TANGO6: variants seen among roughly 807,000 people sequenced by gnomAD.
TANGO6 encodes the protein transport and Golgi organization protein 6 homolog.
A neutral mutation model predicts 114.2 loss-of-function variants in TANGO6; 90 were observed. The ratio of observed to expected loss-of-function variants is 0.79; its 90% CI spans 0.66 to 0.94. The LOEUF is 0.94. Ranked by LOEUF, TANGO6 falls within the 40% of genes least tolerant of loss-of-function variation. The pLI, the probability that TANGO6 is intolerant of heterozygous loss-of-function variation, is 0.00. For synonymous variants in TANGO6, 477 were observed against 509.8 expected, an observed-to-expected ratio of 0.94 and a Z score of 0.87; for missense variants, 1,274 against 1,315.3, an observed-to-expected ratio of 0.97 and a Z score of 0.49.
In TANGO6 at chr16:68,900,469, G is replaced by C; in HGVS notation, c.1413G>C (p.Leu471Phe). 1 of 1,613,956 alleles carries C rather than the reference G, an allele frequency of 6.2e-7. No individual in the cohort carries two copies. Among genetic ancestry groups the C allele is most frequent in the Non-Finnish European group, 8.5e-7 (1 of 1,179,882 alleles). Residue 471 changes from leucine to phenylalanine, a missense_variant, in exon 8 of 18, where the codon TTG becomes TTC. Around this residue, in one of 5 missense-constraint regions of TANGO6, gnomAD observed 908 missense variants for 910.2 expected, o/e 1.00. Coordinates refer to ENST00000261778, the MANE Select transcript of TANGO6 (RefSeq NM_024562.2). Reference sequence around the variant, plus strand: ...TTGGGAATGAACCTTTAACAGTTTTGATGGATTCCCTGCTTCCAGTCCTGG... The same window carrying C: ...TTGGGAATGAACCTTTAACAGTTTTCATGGATTCCCTGCTTCCAGTCCTGG... ...YVVGNEPLTV[L>F]MDSLLPVLGV... is the part of the protein sequence containing the mutation.
chr16:68,863,293 A>G lies in TANGO6; in HGVS notation c.852+232A>G, dbSNP rs556094726. 3.8e-3 allele frequency: 1,250 copies of G among 327,722 alleles called. 5 individuals carry two copies. The highest frequency in any genetic ancestry group is 5.6e-3 in the Non-Finnish European group (1,006 of 180,716). 20.3% of individuals were successfully genotyped at this position (327,722 alleles called of 1,614,324 possible). A position where few individuals can be genotyped will look rare whatever the true frequency, so the allele number is the denominator to read the frequency against. On this transcript the variant is annotated intron_variant, in intron 3 of 17. Coordinates refer to ENST00000261778, the MANE Select transcript of TANGO6 (RefSeq NM_024562.2). ...GATGGACACTTTTCCCAAGAATATT[A>G]TGATCACTTTTTTTAAGACTTATGG...
intron 14 of TANGO6, among the ~76,000 whole-genome samples, chr16:68,932,401 T>G (rs1049881357): frequency 6.6e-6 from 1 of 152,032 alleles, no homozygotes; most frequent in Non-Finnish European, 1.5e-5. Flanking sequence ...AAAATAAAAT[T>G]TAATTAAAGG....
intron 14 of TANGO6, among the ~76,000 whole-genome samples, chr16:68,947,472 T>A (rs1484523980): frequency 6.6e-6 from 1 of 151,826 alleles, no homozygotes; most frequent in Non-Finnish European, 1.5e-5. Context: ...ATTAAAAAGA[T>A]GTATTATGAT....
intron 15 of TANGO6, among the ~76,000 whole-genome samples, chr16:69,007,879 A>G (rs912303232): frequency 2.0e-5 from 3 of 151,978 alleles, no homozygotes; most frequent in Non-Finnish European, 2.9e-5. Context: ...TATGGTTTTG[A>G]TTTGTACTTC....
chr16:68,925,019 G>T (rs1042698730), intron 12 of TANGO6, among the ~76,000 whole-genome samples: 1 of 151,580 alleles, frequency 6.6e-6, no homozygotes, highest in East Asian at 2.0e-4. Context: ...GCAAAGAGGG[G>T]TGGGTGGGAA....
At chr16:69,067,200 A>C (rs1361079132) in intron 17 of TANGO6, among the ~76,000 whole-genome samples, 2 of 152,060 alleles carry the variant, frequency 1.3e-5, no homozygotes, top group African/African-American at 4.8e-5. Context: ...CCTGGCCTAC[A>C]AAAAAAATTT....
intron 15 of TANGO6, among the ~76,000 whole-genome samples, chr16:69,002,043 G>C (rs2152221369): frequency 6.6e-6 from 1 of 152,274 alleles, no homozygotes; most frequent in East Asian, 1.9e-4. Flanking sequence ...AAACAGAGCA[G>C]AGCCTTAGAT....
intron 7 of TANGO6, among the ~76,000 whole-genome samples, chr16:68,897,182 C>T (rs1157559940): frequency 6.6e-6 from 1 of 151,930 alleles, no homozygotes; most frequent in Non-Finnish European, 1.5e-5. Flanking sequence ...ATTACAGGTG[C>T]CGTGAACCGC....
At chr16:68,866,975 CTTTTTTTTTTT>C (rs536677611) in intron 3 of TANGO6, 93 bp from the exon 4 acceptor site, 9 of 227,116 alleles carry the variant, frequency 4.0e-5, no homozygotes, top group African/African-American at 1.3e-4. Flanking sequence ...GCTATTTCTC[CTTTTTTTTTTT>C]TTTTTTTTTT....
At chr16:68,881,457 T>C (rs570826052) in intron 7 of TANGO6, among the ~76,000 whole-genome samples, 4 of 152,288 alleles carry the variant, frequency 2.6e-5, no homozygotes, top group African/African-American at 7.2e-5. Context: ...GAGGTTGCAG[T>C]GTGCCGATAT....
intron 15 of TANGO6, among the ~76,000 whole-genome samples, chr16:68,992,979 G>A (rs187707439): frequency 2.6e-5 from 4 of 152,136 alleles, no homozygotes; most frequent in Admixed American, 2.6e-4. Context: ...TGAGGCAGGA[G>A]AATCGCTTGA....
chr16:69,080,063 T>C (rs1476089936), intron 17 of TANGO6, among the ~76,000 whole-genome samples: 1 of 151,896 alleles, frequency 6.6e-6, no homozygotes, highest in African/African-American at 2.4e-5. Flanking sequence ...TTCAAAAAAA[T>C]GTTTATTGCA....
chr16:68,970,925 A>G (rs1963697857), intron 14 of TANGO6, among the ~76,000 whole-genome samples: 1 of 152,106 alleles, frequency 6.6e-6, no homozygotes, highest in Non-Finnish European at 1.5e-5. Context: ...TGGGAGGCCG[A>G]GGAGGGCGGA....
chr16:68,998,714 G>C (rs965186175), intron 15 of TANGO6, among the ~76,000 whole-genome samples: 11 of 145,960 alleles, frequency 7.5e-5, no homozygotes, highest in African/African-American at 2.8e-4. Flanking sequence ...CTGGGTGACA[G>C]AGTGAGACTC....
At chr16:69,053,332 T>G (rs1959983538) in intron 17 of TANGO6, among the ~76,000 whole-genome samples, 1 of 152,202 alleles carries the variant, frequency 6.6e-6, no homozygotes, top group East Asian at 1.9e-4. Flanking sequence ...TATGTTATTA[T>G]GACTGTAACT....
intron 15 of TANGO6, among the ~76,000 whole-genome samples, chr16:69,016,288 CT>C (rs1279274777): frequency 6.6e-6 from 1 of 152,000 alleles, no homozygotes; most frequent in Non-Finnish European, 1.5e-5. Flanking sequence ...ATCCCAGCTA[CT>C]TGGGAGGCTG....
chr16:69,023,045 T>C, intron 16 of TANGO6, 66 bp downstream of exon 16: 2 of 1,452,712 alleles, frequency 1.4e-6, no homozygotes, highest in Non-Finnish European at 1.8e-6. Context: ...ATCTTGAGAT[T>C]GGGAGTCAGG....
chr16:68,987,362 C>CTGT (rs751674485), intron 15 of TANGO6, among the ~76,000 whole-genome samples: 4 of 151,992 alleles, frequency 2.6e-5, no homozygotes, highest in South Asian at 4.2e-4. Context: ...GTTGTTGTTG[C>CTGT]TGTTGTTGTT....
At chr16:69,010,830 G>C (rs182909287) in intron 15 of TANGO6, among the ~76,000 whole-genome samples, 1 of 152,162 alleles carries the variant, frequency 6.6e-6, no homozygotes, top group Non-Finnish European at 1.5e-5. Flanking sequence ...TGTTTTCATT[G>C]AATTGGTTAG....
Sources: gnomAD v4.1 joint callset for allele counts (sites outside exome capture counted in the v4.1 genomes callset) on GRCh38, gnomAD v4.1.1 for gene constraint, gnomAD v4.1.1 regional missense constraint, MANE v1.5 for transcripts, NCBI Gene and HGNC (gene_info 2026-07-23, HGNC 2026-07-21) for gene names.